The following LARGE1 variants were observed in gnomAD, a reference collection of about 807,000 sequenced individuals.
LARGE1 encodes the protein xylosyl- and glucuronyltransferase LARGE1.
Under a neutral mutation model 87.6 loss-of-function variants are expected in LARGE1, and 43 were observed. The ratio of observed to expected loss-of-function variants is 0.49; its 90% CI spans 0.38 to 0.63. LARGE1 has a LOEUF of 0.63. Among genes scored for constraint, LARGE1 ranks in the 30% least tolerant of loss-of-function variants. LARGE1 has a pLI of 0.00. For synonymous variants in LARGE1, 434 were observed against 394.6 expected, an observed-to-expected ratio of 1.10 and a Z score of -1.18; for missense variants, 802 against 1,000.2, an observed-to-expected ratio of 0.80 and a Z score of 2.67.
At chr22:33,805,536 C>G (rs1280906048) in intron 1 of LARGE1, among the ~76,000 whole-genome samples, 1 of 151,956 alleles carries the variant, frequency 6.6e-6, no homozygotes, top group Non-Finnish European at 1.5e-5. Context: ...GAGTTTGAGA[C>G]CAGCCTGGCC....
chr22:33,521,484 G>A (rs1446786365), intron 6 of LARGE1, among the ~76,000 whole-genome samples: 1 of 152,222 alleles, frequency 6.6e-6, no homozygotes, highest in Non-Finnish European at 1.5e-5. Flanking sequence ...GGCTCCCAGA[G>A]TGGCAGGGGG....
intron 6 of LARGE1, among the ~76,000 whole-genome samples, chr22:33,532,241 T>C (rs971590795): frequency 2.0e-5 from 3 of 152,218 alleles, no homozygotes; most frequent in Admixed American, 6.5e-5. Flanking sequence ...TCTTTTAACG[T>C]TTTATTTCCT....
chr22:33,809,881 TAAAAA>T (rs908255048), intron 1 of LARGE1, among the ~76,000 whole-genome samples: 1 of 145,038 alleles, frequency 6.9e-6, no homozygotes, highest in Admixed American at 6.9e-5. Flanking sequence ...AAGCTTGTGT[TAAAAA>T]AAAAAACAAA....
intron 1 of LARGE1, among the ~76,000 whole-genome samples, chr22:33,783,306 A>T (rs1475949520): frequency 6.6e-6 from 1 of 152,116 alleles, no homozygotes; most frequent in Non-Finnish European, 1.5e-5. Flanking sequence ...GAAGGCTGAG[A>T]TATTTAAAAA....
intron 11 of LARGE1, among the ~76,000 whole-genome samples, chr22:33,179,733 C>T (rs1923065235): frequency 6.6e-6 from 1 of 152,192 alleles, no homozygotes; most frequent in African/African-American, 2.4e-5. Context: ...GTTAGACTAG[C>T]AACTGCCAGC....
chr22:33,574,060 T>C (rs1324423391), intron 5 of LARGE1, among the ~76,000 whole-genome samples: 1 of 152,150 alleles, frequency 6.6e-6, no homozygotes, highest in Non-Finnish European at 1.5e-5. Context: ...GGTAAGTTTA[T>C]GCAATGTGGG....
chr22:33,485,831 A>G (rs1184256379), intron 6 of LARGE1, among the ~76,000 whole-genome samples: 1 of 152,040 alleles, frequency 6.6e-6, no homozygotes, highest in Non-Finnish European at 1.5e-5. Flanking sequence ...ATTTTCCACC[A>G]TGGCTCTTAT....
At chr22:33,834,163 A>C (rs768306193) in intron 1 of LARGE1, among the ~76,000 whole-genome samples, 4 of 152,314 alleles carry the variant, frequency 2.6e-5, no homozygotes, top group Admixed American at 1.3e-4. Flanking sequence ...TTATGTGATA[A>C]GGTCTTTTTA....
chr22:33,585,874 T>C (rs999495518), intron 5 of LARGE1, among the ~76,000 whole-genome samples: 2 of 152,190 alleles, frequency 1.3e-5, no homozygotes, highest in African/African-American at 4.8e-5. Context: ...AATTTTTGTA[T>C]TTTTAGTAGA....
chr22:33,896,563 T>C (rs867790994), intron 1 of LARGE1, among the ~76,000 whole-genome samples: 1 of 152,152 alleles, frequency 6.6e-6, no homozygotes, highest in Middle Eastern at 3.2e-3. Flanking sequence ...CATAGGAAAG[T>C]AAAAGGTGCC....
chr22:33,856,439 T>A (rs149651569), intron 1 of LARGE1, among the ~76,000 whole-genome samples: 52 of 152,234 alleles, frequency 3.4e-4, no homozygotes, highest in African/African-American at 1.3e-3. Context: ...GATAAATAGA[T>A]CTACTGATCA....
chr22:33,273,687 T>C lies in LARGE1; in HGVS notation c.*740A>G, dbSNP rs116335813. 5,123 of 398,644 alleles carry C rather than the reference T, an allele frequency of 0.013. 144 individuals are homozygous for C. Among genetic ancestry groups the C allele is most frequent in the African/African-American group, 0.062 (3,036 of 48,696 alleles). The allele number at this position is 398,644 out of a possible 1,614,324, so 24.7% of individuals were successfully genotyped here. On this transcript the variant is annotated 3_prime_UTR_variant, in exon 15 of 15. Transcript: ENST00000397394. Reference sequence around the variant, plus strand: ...AAATATCGGCCGAAGATGCTTGACCTCCTTCCTGGGCCACTGCTGATAGAG... The same window carrying C: ...AAATATCGGCCGAAGATGCTTGACCCCCTTCCTGGGCCACTGCTGATAGAG...
At chr22:33,149,440 T>G in the LARGE1 span, among the ~76,000 whole-genome samples, 1 of 152,212 alleles carries the variant, frequency 6.6e-6, no homozygotes, top group East Asian at 1.9e-4. Context: ...TTTGGTGTTT[T>G]GTGCAAGAAC....
intron 6 of LARGE1, among the ~76,000 whole-genome samples, chr22:33,531,103 G>A (rs912072356): frequency 6.6e-6 from 1 of 152,178 alleles, no homozygotes; most frequent in African/African-American, 2.4e-5. Context: ...CATCAAGCCA[G>A]TAGTACTATA....
chr22:33,505,799 CTT>C (rs943683070), intron 6 of LARGE1, among the ~76,000 whole-genome samples: 1 of 152,192 alleles, frequency 6.6e-6, no homozygotes, highest in Admixed American at 6.5e-5. Flanking sequence ...GGAATCATCT[CTT>C]GATTCCTGTC....
At chr22:33,796,767 C>CT (rs35532520) in intron 1 of LARGE1, among the ~76,000 whole-genome samples, 9,205 of 105,972 alleles carry the variant, frequency 0.087, 542 homozygotes, top group African/African-American at 0.2. Flanking sequence ...AAGACTTGGG[C>CT]TTTTTTTTTT....
At chr22:33,252,173 A>G (rs1276756693) in intron 11 of LARGE1, among the ~76,000 whole-genome samples, 1 of 152,168 alleles carries the variant, frequency 6.6e-6, no homozygotes, top group Non-Finnish European at 1.5e-5. Flanking sequence ...CTAATCAAAT[A>G]AACCTTTGAT....
chr22:33,650,709 C>A (rs1459902354), intron 2 of LARGE1, 41 bp from the exon 3 acceptor site: 3 of 1,594,948 alleles, frequency 1.9e-6, no homozygotes, highest in African/African-American at 2.7e-5. Context: ...TCTGGATGAA[C>A]CATGCCTCAA....
At chr22:33,921,048 C>T (rs1282535289), upstream of LARGE1, among the ~76,000 whole-genome samples, 8 of 150,240 alleles carry the variant, frequency 5.3e-5, no homozygotes, top group Non-Finnish European at 8.9e-5. This position sits in a 1 kb window ranked among gnomAD's most constrained non-coding sequence, Gnocchi z 4.1. Context: ...GGGGGGACCG[C>T]GAGCCGGGGC....
Sources: gnomAD v4.1 joint callset for allele counts (sites outside exome capture counted in the v4.1 genomes callset) on GRCh38, gnomAD v4.1.1 for gene constraint, Gnocchi (gnomAD v3.1) non-coding constraint, MANE v1.5 for transcripts, NCBI Gene and HGNC (gene_info 2026-07-23, HGNC 2026-07-21) for gene names.